GPI: variants seen among roughly 807,000 people sequenced by gnomAD.
The protein encoded by GPI is D-hexose-6-phosphate anomerase.
In GPI, 56 loss-of-function variants were observed where a neutral mutation model predicts 75.8. The observed-to-expected ratio is 0.74, with a 90% CI of 0.60 to 0.92. GPI has a LOEUF of 0.92. Ranked by LOEUF, GPI falls within the 40% of genes least tolerant of loss-of-function variation. GPI has a pLI of 0.00. For synonymous variants in GPI, 288 were observed against 285.4 expected, an observed-to-expected ratio of 1.01 and a Z score of -0.09; for missense variants, 638 against 741.0, an observed-to-expected ratio of 0.86 and a Z score of 1.61.
chr19:34,384,284 GA>G (rs1361910839), intron 9 of GPI, among the ~76,000 whole-genome samples: 2 of 152,182 alleles, frequency 1.3e-5, no homozygotes, highest in South Asian at 4.1e-4. Flanking sequence ...AAAGGTGGAT[GA>G]AGCCTGGGTC....
intron 6 of GPI, among the ~76,000 whole-genome samples, chr19:34,378,469 G>C (rs1223643646): frequency 6.6e-6 from 1 of 152,012 alleles, no homozygotes; most frequent in Non-Finnish European, 1.5e-5. Flanking sequence ...CCCCCCCTTG[G>C]CCTCCCAAAG....
At position 34,402,303 on chromosome 19, in the gene GPI, C is replaced by T. The variant is rs1056923806; in HGVS notation, c.*2267C>T. Reference sequence around the variant, plus strand: ...ACATAGGGTGTAACCAAATAGGAAACCTCTAAAGGGTACTTAAACCCCAGA... The same window carrying T: ...ACATAGGGTGTAACCAAATAGGAAATCTCTAAAGGGTACTTAAACCCCAGA... On this transcript the variant is annotated 3_prime_UTR_variant, in exon 18 of 18. Transcript: ENST00000356487. 6.6e-6 allele frequency: 1 copy of T among 152,164 alleles called. No individual in the cohort carries two copies. The highest frequency in any genetic ancestry group is 1.5e-5 in the Non-Finnish European group (1 of 68,032). The allele number at this position is 152,164 out of a possible 1,614,324, so 9.4% of individuals were successfully genotyped here. A position where few individuals can be genotyped will look rare whatever the true frequency, so the allele number is the denominator to read the frequency against.
chr19:34,360,577 G>A (rs560260282), upstream of GPI, among the ~76,000 whole-genome samples: 1 of 152,190 alleles, frequency 6.6e-6, no homozygotes, highest in Non-Finnish European at 1.5e-5. Flanking sequence ...CAGCCTGGGT[G>A]ACAGAGCGAG....
At chr19:34,399,052 TG>T in intron 14 of GPI, 154 bp from the exon 15 acceptor site, 1 of 608,024 alleles carries the variant, frequency 1.6e-6, no homozygotes, top group Non-Finnish European at 2.9e-6. Context: ...CCCTGCCTTG[TG>T]GTGTCATCGG....
chr19:34,388,970 G>GTA (rs1272059693), intron 9 of GPI, among the ~76,000 whole-genome samples: 3 of 152,054 alleles, frequency 2.0e-5, no homozygotes, highest in Non-Finnish European at 2.9e-5. Context: ...GTGTGTGCCT[G>GTA]TAGTCCCAGC....
At chr19:34,386,586 A>G (rs2074738264) in intron 9 of GPI, among the ~76,000 whole-genome samples, 1 of 152,232 alleles carries the variant, frequency 6.6e-6, no homozygotes, top group Non-Finnish European at 1.5e-5. Context: ...TGAAGCCTGA[A>G]GAACCAGAGT....
chr19:34,379,767 T>A lies in GPI; in HGVS notation c.750+205T>A. The A allele has an allele frequency of 1.8e-5, 12 of 672,306 alleles. No homozygotes were observed. The South Asian group carries it at 1.8e-4, about 10-fold the overall frequency. The allele number at this position is 672,306 out of a possible 1,614,324, so 41.6% of individuals were successfully genotyped here. A position where few individuals can be genotyped will look rare whatever the true frequency, so the allele number is the denominator to read the frequency against. The stretch of plus-strand genomic sequence containing the variant: ...CCTCTGCAGCTTTGAGGAGGGAGGC[T>A]TGGAGTCAGTGGGATCACGATAACC... On this transcript the variant is annotated intron_variant, in intron 8 of 17. Transcript: ENST00000356487.
Position 34,399,256 on chromosome 19 carries a change from A to G in GPI, c.1319A>G (p.Lys440Arg), listed in dbSNP as rs987808777. 6.2e-7 allele frequency: 1 copy of G among 1,613,940 alleles called. No homozygotes were observed. The highest frequency in any genetic ancestry group is 8.5e-7 in the Non-Finnish European group (1 of 1,179,992). Residue 440 changes from lysine to arginine, a missense_variant, in exon 15 of 18, where the codon AAA (lysine) becomes AGA (arginine). Lys to Arg is a conservative substitution (Grantham distance 26). Coordinates refer to ENST00000356487, the MANE Select transcript of GPI (RefSeq NM_000175.5). ...CAGACAGAGGCCCTGATGAGGGGAA[A>G]ATCGACGGAGGAGGCCCGAAAGGAG... is the stretch of plus-strand genomic sequence containing the variant. The part of the protein sequence containing the change: ...LAQTEALMRG[K>R]STEEARKELQ...
upstream of GPI, chr19:34,364,985 TC>T: frequency 1.3e-6 from 2 of 1,531,464 alleles, no homozygotes; most frequent in Non-Finnish European, 1.7e-6. Context: ...CACTGCCACT[TC>T]CGGGCAGAGG....
chr19:34,367,983 C>G (rs895572677), intron 3 of GPI, among the ~76,000 whole-genome samples: 1 of 152,130 alleles, frequency 6.6e-6, no homozygotes, highest in Non-Finnish European at 1.5e-5. Flanking sequence ...TGCAGTGGTG[C>G]GATCTTGGCT....
At chr19:34,371,739 C>T (rs904043928) in intron 4 of GPI, among the ~76,000 whole-genome samples, 2 of 151,510 alleles carry the variant, frequency 1.3e-5, no homozygotes, top group Non-Finnish European at 2.9e-5. Context: ...CCTGTAGTCC[C>T]AGCTACTCGG....
intron 9 of GPI, chr19:34,392,209 T>TAGGAGTTGGGATCTGGCCCTGG (rs1274033277): frequency 8.4e-5 from 1 of 11,868 alleles, no homozygotes; most frequent in Non-Finnish European, 2.0e-4. Context: ...TCTGGCCCCC[T>TAGGAGTTGGGATCTGGCCCTGG]TATGAGGATC....
chr19:34,373,622 T>C (rs748352210), intron 4 of GPI, among the ~76,000 whole-genome samples: 61 of 152,140 alleles, frequency 4.0e-4, no homozygotes, highest in Non-Finnish European at 7.6e-4. Flanking sequence ...TAATTTTTTA[T>C]TGATGTGTGG....
chr19:34,374,114 C>T (rs1306628675), intron 4 of GPI, among the ~76,000 whole-genome samples: 1 of 151,236 alleles, frequency 6.6e-6, no homozygotes, highest in Non-Finnish European at 1.5e-5. Context: ...TTACAGGTGC[C>T]CGCCACCATG....
intron 4 of GPI, among the ~76,000 whole-genome samples, 167 bp from the exon 5 acceptor site, chr19:34,377,336 A>T (rs77263413): frequency 0.032 from 1,549 of 48,584 alleles, 68 homozygotes; most frequent in South Asian, 0.061. Context: ...AAAAAAAAAA[A>T]ATATATATAT....
intron 4 of GPI, among the ~76,000 whole-genome samples, chr19:34,369,704 C>CAA (rs35036655): frequency 0.28 from 39,187 of 142,358 alleles, 5,908 homozygotes; most frequent in East Asian, 0.62. Context: ...GAGACTCTGT[C>CAA]AAAAAAAAAA....
intron 4 of GPI, among the ~76,000 whole-genome samples, chr19:34,372,646 A>G (rs955054400): frequency 3.9e-5 from 6 of 152,188 alleles, no homozygotes; most frequent in African/African-American, 1.4e-4. Flanking sequence ...TGTCGTTAAA[A>G]CAAAACTAAA....
chr19:34,365,443 G>A (rs1251898817), intron 1 of GPI, 55 bp downstream of exon 1: 1 of 1,499,780 alleles, frequency 6.7e-7, no homozygotes. Context: ...AACCGGGCAC[G>A]CGGGCCTGGG....
chr19:34,367,155 C>T (rs868699773), intron 3 of GPI: 2 of 496,236 alleles, frequency 4.0e-6, no homozygotes, highest in East Asian at 7.9e-5. Flanking sequence ...AATATATCCT[C>T]AATGCAAGTT....
Sources: gnomAD v4.1 joint callset for allele counts (sites outside exome capture counted in the v4.1 genomes callset) on GRCh38, gnomAD v4.1.1 for gene constraint, MANE v1.5 for transcripts, NCBI Gene and HGNC (gene_info 2026-07-23, HGNC 2026-07-21) for gene names.